Variants in RAPH1 observed in about 807,000 individuals in gnomAD.
RAPH1 encodes Ras association (RalGDS/AF-6) and pleckstrin homology domains 1, also known as ras-associated and pleckstrin homology domains-containing protein 1.
A neutral mutation model predicts 88.1 loss-of-function variants in RAPH1; 18 were observed. That is an observed-to-expected ratio of 0.20 (90% CI 0.14 to 0.30). The LOEUF (loss-of-function observed/expected upper bound fraction) is 0.30, where lower values mean the gene tolerates loss of function less well. RAPH1 is among the 10% of genes least tolerant of loss of function. RAPH1 has a pLI of 1.00. For synonymous variants in RAPH1, 587 were observed against 559.0 expected, an observed-to-expected ratio of 1.05 and a Z score of -0.71; for missense variants, 1,448 against 1,543.2, an observed-to-expected ratio of 0.94 and a Z score of 1.03.
At chr2:203,498,265 G>A (rs1161197212) in intron 1 of RAPH1, among the ~76,000 whole-genome samples, 1 of 152,090 alleles carries the variant, frequency 6.6e-6, no homozygotes, top group Non-Finnish European at 1.5e-5. Context: ...GAGTATTTTA[G>A]GCAATAATAC....
rs2098499284 is a variant in RAPH1, at chr2:203,437,280, CATG to C, written c.*2154_*2156del. The C allele has an allele frequency of 6.6e-6, 1 of 152,180 alleles. No individual in the cohort carries two copies. The highest frequency in any genetic ancestry group is 1.5e-5 in the Non-Finnish European group (1 of 68,036). 9.4% of individuals were successfully genotyped at this position (152,180 alleles called of 1,614,324 possible). On this transcript the variant is annotated 3_prime_UTR_variant, in exon 14 of 14. Transcript: ENST00000319170. ...AAAACTGAAGTGTTGTCTACCTTCTCATGAGAAAATCACCACCACAATAAAACT... is the reference window on the plus strand; with the variant it reads ...AAAACTGAAGTGTTGTCTACCTTCTCAGAAAATCACCACCACAATAAAACT...
intron 4 of RAPH1, among the ~76,000 whole-genome samples, chr2:203,463,848 C>T (rs1032185672): frequency 4.6e-5 from 7 of 151,942 alleles, no homozygotes; most frequent in African/African-American, 7.3e-5. Flanking sequence ...AGCTATGAAA[C>T]GAGAAAACTA....
At chr2:203,504,670 T>TAAAA (rs566237475) in intron 1 of RAPH1, among the ~76,000 whole-genome samples, 3 of 141,096 alleles carry the variant, frequency 2.1e-5, no homozygotes, top group African/African-American at 5.2e-5. Context: ...GAATTTCTCC[T>TAAAA]AAAAAAAAAA....
intron 1 of RAPH1, among the ~76,000 whole-genome samples, chr2:203,495,951 C>A (rs771221467): frequency 2.0e-5 from 3 of 152,124 alleles, no homozygotes; most frequent in Admixed American, 6.5e-5. Context: ...CCAACAAAAC[C>A]CAAAAAGGAA....
At chr2:203,535,084 G>A (rs984115072) in intron 1 of RAPH1, 27 bp downstream of exon 1, 8 of 151,844 alleles carry the variant, frequency 5.3e-5, no homozygotes, top group Non-Finnish European at 2.9e-5. Flanking sequence ...CTACCCCCTG[G>A]CCCCGAGGGC....
At chr2:203,493,008 C>G (rs933619267) in intron 2 of RAPH1, among the ~76,000 whole-genome samples, 1 of 152,094 alleles carries the variant, frequency 6.6e-6, no homozygotes, top group Non-Finnish European at 1.5e-5. Flanking sequence ...TACAGGTGTA[C>G]AGATAACACT....
chr2:203,455,670 T>C, intron 8 of RAPH1, 90 bp from the exon 9 acceptor site: 4 of 1,257,222 alleles, frequency 3.2e-6, no homozygotes, highest in Middle Eastern at 2.0e-4. Context: ...ATGACAGTTA[T>C]TAAACCAAAA....
At position 203,441,244 on chromosome 2, in the gene RAPH1, AGTGGGGGAGGAGGGG is replaced by A; in HGVS notation, c.1931_1945del (p.Pro644_Pro648del). On this transcript the variant is annotated inframe_deletion, in exon 14 of 14. Transcript: ENST00000319170. ...TGCAGAAGGTGCAGACTGGCTGGGG[AGTGGGGGAGGAGGGG>A]GTGGTGGAGGGGGTGGTGGAGGAGG... 1 of 534,458 alleles carries A rather than the reference AGTGGGGGAGGAGGGG, an allele frequency of 1.9e-6. No individual in the cohort carries two copies. The highest frequency in any genetic ancestry group is 2.4e-6 in the Non-Finnish European group (1 of 419,626). 33.1% of individuals were successfully genotyped at this position (534,458 alleles called of 1,614,324 possible). A position where few individuals can be genotyped will look rare whatever the true frequency, so the allele number is the denominator to read the frequency against.
At chr2:203,513,758 C>G (rs1689470254) in intron 1 of RAPH1, among the ~76,000 whole-genome samples, 1 of 145,958 alleles carries the variant, frequency 6.9e-6, no homozygotes, top group South Asian at 2.3e-4. Context: ...TTGCTTAAGC[C>G]TGGGAGGTAG....
intron 4 of RAPH1, chr2:203,477,205 G>T: frequency 1.4e-6 from 2 of 1,411,366 alleles, no homozygotes; most frequent in South Asian, 1.2e-5. Flanking sequence ...GAGGTGAAAC[G>T]GGCAGTTCTC....
chr2:203,490,500 C>G (rs1162328985), intron 3 of RAPH1, among the ~76,000 whole-genome samples: 1 of 152,082 alleles, frequency 6.6e-6, no homozygotes, highest in Non-Finnish European at 1.5e-5. Context: ...ACTGACAGGT[C>G]AATATTATAA....
At chr2:203,534,466 G>A (rs1239723025) in intron 1 of RAPH1, among the ~76,000 whole-genome samples, 1 of 135,850 alleles carries the variant, frequency 7.4e-6, no homozygotes, top group Non-Finnish European at 1.5e-5. Context: ...GTCTTAACAC[G>A]AAGGCATCCT....
chr2:203,450,180 C>A (rs2098513628), intron 10 of RAPH1, among the ~76,000 whole-genome samples: 1 of 151,868 alleles, frequency 6.6e-6, no homozygotes, highest in Admixed American at 6.6e-5. Context: ...AGATGGCCAC[C>A]AACATAAGTT....
intron 13 of RAPH1, 79 bp from the exon 14 acceptor site, chr2:203,441,492 G>A: frequency 2.1e-6 from 3 of 1,444,150 alleles, no homozygotes; most frequent in Middle Eastern, 2.6e-4. Flanking sequence ...CTTTGATTGT[G>A]TAAAACTAAA....
At chr2:203,452,006 T>C (rs1337275954) in intron 10 of RAPH1, among the ~76,000 whole-genome samples, 2 of 152,200 alleles carry the variant, frequency 1.3e-5, no homozygotes, top group Non-Finnish European at 2.9e-5. Context: ...GGTCTACATG[T>C]GATGCATAGA....
At chr2:203,518,354 A>G (rs1689709509) in intron 1 of RAPH1, among the ~76,000 whole-genome samples, 1 of 151,988 alleles carries the variant, frequency 6.6e-6, no homozygotes, top group Non-Finnish European at 1.5e-5. Flanking sequence ...CATCTCTACT[A>G]AAACAATACA....
At chr2:203,502,273 G>A (rs759897556) in intron 1 of RAPH1, among the ~76,000 whole-genome samples, 2 of 152,018 alleles carry the variant, frequency 1.3e-5, no homozygotes, top group African/African-American at 2.4e-5. Context: ...GGCCAGTCAC[G>A]GTAAATTCTT....
intron 4 of RAPH1, among the ~76,000 whole-genome samples, chr2:203,488,670 T>C (rs1288077729): frequency 1.4e-5 from 2 of 145,126 alleles, no homozygotes; most frequent in Admixed American, 7.0e-5. Context: ...GGAAGGCAGA[T>C]ATAGTACTAT....
chr2:203,467,750 T>C (rs1435036483), intron 4 of RAPH1, among the ~76,000 whole-genome samples: 1 of 152,110 alleles, frequency 6.6e-6, no homozygotes, highest in East Asian at 1.9e-4. Flanking sequence ...AAGGAATGAC[T>C]GTGGTTTATT....
Sources: allele counts gnomAD v4.1 joint callset (sites outside exome capture counted in the v4.1 genomes callset), GRCh38; gene constraint gnomAD v4.1.1; transcripts MANE v1.5; gene names NCBI Gene and HGNC (gene_info 2026-07-23, HGNC 2026-07-21).